Variants in PDILT observed in about 807,000 individuals in gnomAD.
PDILT encodes the protein protein disulfide-isomerase-like protein of the testis.
A neutral mutation model predicts 53.7 loss-of-function variants in PDILT; 43 were observed. The observed-to-expected ratio is 0.80, with a 90% CI of 0.63 to 1.03. The LOEUF (loss-of-function observed/expected upper bound fraction) is 1.03, where lower values mean the gene tolerates loss of function less well. PDILT is among the 50% of genes least tolerant of loss of function. The probability of loss-of-function intolerance (pLI) is 0.00; values close to 1 mark genes in which losing one functional copy is unlikely to be tolerated. For missense variants in PDILT, 727 were observed against 712.3 expected (o/e 1.02, Z -0.24); for synonymous variants, 282 against 274.2 (o/e 1.03, Z -0.28).
chr16:20,369,707 AC>A lies in PDILT; in HGVS notation c.919-19del, dbSNP rs372116383. The A allele has an allele frequency of 2.7e-5, 44 of 1,612,986 alleles. No homozygotes were observed. In the African/African-American group the frequency reaches 2.9e-4, roughly 11 times the overall value. On this transcript the variant is annotated intron_variant, in intron 7 of 11. Transcript: ENST00000302451. Reference sequence around the variant, plus strand: ...AAAAGGATCTGCCAAAGAAAACAAAACCCTTGTCTCTCTGGATCCTTTGCCA... The same window carrying A: ...AAAAGGATCTGCCAAAGAAAACAAAACCTTGTCTCTCTGGATCCTTTGCCA...
chr16:20,374,960 C>T lies in PDILT; in HGVS notation c.544-1G>A. On this transcript the variant is annotated splice_acceptor_variant, in intron 4 of 11. Coordinates refer to ENST00000302451, the MANE Select transcript of PDILT (RefSeq NM_174924.2). LOFTEE classifies it high-confidence loss of function. ...ACTCTGCTACTTCTTCCTCTAAATC[C>T]TATTTGGGAAAGGATGTTTGGAAAG... 1 of 1,602,750 alleles carries T rather than the reference C, an allele frequency of 6.2e-7. No individual in the cohort carries two copies. Among genetic ancestry groups the T allele is most frequent in the Non-Finnish European group, 8.5e-7 (1 of 1,173,100 alleles).
rs920048519 is a variant in PDILT, at chr16:20,367,053, T to C, written c.1117-1513A>G. ...TTTCTTTCTTTCTTTCTTTCTTTCT[T>C]TCTTTCTTTCTTTCTTTCTTTCTTT... On this transcript the variant is annotated intron_variant, in intron 8 of 11. Coordinates refer to ENST00000302451, the MANE Select transcript of PDILT (RefSeq NM_174924.2). 6.3e-5 allele frequency among the ~76,000 whole-genome samples: 6 copies of C among 95,196 alleles called. 2 individuals are homozygous for C. The highest frequency in any genetic ancestry group is 1.8e-4 in the African/African-American group (4 of 22,286). The allele number at this position is 95,196 out of a possible 152,430, so 62.5% of individuals were successfully genotyped here.
chr16:20,370,576 GAA>G (rs1206498724), intron 7 of PDILT, among the ~76,000 whole-genome samples: 1 of 152,168 alleles, frequency 6.6e-6, no homozygotes. Flanking sequence ...GAATAGAAAA[GAA>G]AAGTCAGTGT....
chr16:20,390,041 T>A (rs766382111), intron 2 of PDILT, among the ~76,000 whole-genome samples: 1 of 152,098 alleles, frequency 6.6e-6, no homozygotes, highest in East Asian at 1.9e-4. Flanking sequence ...CAAATGTCCG[T>A]AGGGCTTAGG....
chr16:20,378,642 G>T (rs1966419551), intron 3 of PDILT, among the ~76,000 whole-genome samples: 2 of 152,104 alleles, frequency 1.3e-5, no homozygotes, highest in Admixed American at 1.3e-4. Flanking sequence ...CCCAATGTGT[G>T]ATGTTCCCCT....
intron 3 of PDILT, among the ~76,000 whole-genome samples, chr16:20,383,133 A>T (rs1037845339): frequency 5.3e-5 from 8 of 152,158 alleles, no homozygotes; most frequent in African/African-American, 1.7e-4. Flanking sequence ...CAGAAGTCAA[A>T]TGCCTTGGGG....
intron 3 of PDILT, among the ~76,000 whole-genome samples, chr16:20,377,170 C>T (rs1966399034): frequency 6.6e-6 from 1 of 152,072 alleles, no homozygotes; most frequent in Admixed American, 6.6e-5. Flanking sequence ...TGTCTGTAGT[C>T]CCGGCTACTT....
chr16:20,377,472 A>G (rs1966403597), intron 3 of PDILT, among the ~76,000 whole-genome samples: 1 of 152,184 alleles, frequency 6.6e-6, no homozygotes, highest in African/African-American at 2.4e-5. Flanking sequence ...CAAACACATT[A>G]CCACCATTTC....
intron 5 of PDILT, 62 bp from the exon 6 acceptor site, chr16:20,373,184 A>C (rs1966332612): frequency 7.6e-7 from 1 of 1,318,908 alleles, no homozygotes; most frequent in East Asian, 2.3e-5. Context: ...CACTTAATAA[A>C]TATAAATAGC....
At chr16:20,367,072 T>C (rs1008297622) in intron 8 of PDILT, among the ~76,000 whole-genome samples, 1 of 134,288 alleles carries the variant, frequency 7.4e-6, no homozygotes, top group Non-Finnish European at 1.6e-5. Context: ...TCTTTCTTTC[T>C]TTCTTTCTTT....
chr16:20,397,301 A>ACAAAAT (rs1320836629), intron 2 of PDILT, among the ~76,000 whole-genome samples: 1 of 152,060 alleles, frequency 6.6e-6, no homozygotes, highest in Non-Finnish European at 1.5e-5. Flanking sequence ...ATTCCTAGCC[A>ACAAAAT]ACTTTTGTAT....
rs934794878 is a variant in PDILT, at chr16:20,384,707, G to A, written c.347C>T (p.Thr116Ile). Residue 116 changes from threonine to isoleucine, a missense_variant, in exon 3 of 12, where the codon ACC (threonine) becomes ATC (isoleucine). Coordinates refer to ENST00000302451, the MANE Select transcript of PDILT (RefSeq NM_174924.2). The stretch of plus-strand genomic sequence containing the variant: ...AAACAGCTTCAACTCCGGGGCCTTG[G>A]TAATCCCAAACTCCTGCTGAAGCTC... ...EKELQQEFGI[T>I]KAPELKLFFE... The A allele has an allele frequency of 1.9e-6, 3 of 1,614,208 alleles. No individual in the cohort carries two copies. The highest frequency in any genetic ancestry group is 3.3e-5 in the Admixed American group (2 of 60,024).
At chr16:20,362,929 G>A (rs1423247769) in intron 9 of PDILT, among the ~76,000 whole-genome samples, 3 of 151,630 alleles carry the variant, frequency 2.0e-5, no homozygotes, top group African/African-American at 7.3e-5. Flanking sequence ...AAAATTAGCC[G>A]AGCATGATGG....
chr16:20,367,091 CTTTCTTTCTTTCTTCCTTT>C (rs1966223263), intron 8 of PDILT, among the ~76,000 whole-genome samples: 1 of 99,328 alleles, frequency 1.0e-5, no homozygotes, highest in Non-Finnish European at 2.1e-5. Context: ...TTCTTTCTTT[CTTTCTTTCTTTCTTCCTTT>C]CTTTCCTTTT....
At chr16:20,402,334 T>C (rs1199644512) in intron 1 of PDILT, among the ~76,000 whole-genome samples, 2 of 150,648 alleles carry the variant, frequency 1.3e-5, no homozygotes, top group Non-Finnish European at 2.9e-5. Context: ...GGTCTCGCTC[T>C]GTCGCCCAGG....
At position 20,359,532 on chromosome 16, in the gene PDILT, C is replaced by T; in HGVS notation, c.1542G>A (p.Glu514=). The change falls in exon 12 of 12, where the codon GAG becomes GAA. Residue 514 remains glutamate, a synonymous_variant. Transcript: ENST00000302451. The part of the protein sequence containing the change: ...LSVEQNEVIE[E]EVLAEEKEVP... The stretch of plus-strand genomic sequence containing the variant: ...CCTCCTTTTCCTCAGCTAGCACTTC[C>T]TCTTCTATCACTTCATTTTGCTCAA... The T allele has an allele frequency of 6.2e-7, 1 of 1,614,118 alleles. No individual in the cohort carries two copies. The highest frequency in any genetic ancestry group is 1.1e-5 in the South Asian group (1 of 91,064).
rs372512563 is a variant in PDILT at position 20,398,750 on chromosome 16, T to C, written c.202+349A>G. Among the ~76,000 whole-genome samples, 47 of 152,284 alleles carry C rather than the reference T, an allele frequency of 3.1e-4. No homozygotes were observed. The East Asian group carries it at 3.7e-3, about 12-fold the overall frequency. On this transcript the variant is annotated intron_variant, in intron 2 of 11. Coordinates refer to ENST00000302451, the MANE Select transcript of PDILT (RefSeq NM_174924.2). ...ATCACATCTCATTTAATCTTCACTA[T>C]AATCCAGTGTGTCATTAGGTTCACA... is the stretch of plus-strand genomic sequence containing the variant.
At chr16:20,403,100 C>G (rs938334436) in intron 1 of PDILT, among the ~76,000 whole-genome samples, 14 of 152,186 alleles carry the variant, frequency 9.2e-5, no homozygotes, top group Non-Finnish European at 1.9e-4. Context: ...TGAGTGTCAA[C>G]TGTGTGCATT....
intron 2 of PDILT, among the ~76,000 whole-genome samples, chr16:20,397,191 A>G (rs1477528010): frequency 6.6e-6 from 1 of 152,196 alleles, no homozygotes; most frequent in Non-Finnish European, 1.5e-5. Flanking sequence ...GCTGGAGTGC[A>G]GTGGCATGAT....
Sources: allele counts gnomAD v4.1 joint callset (sites outside exome capture counted in the v4.1 genomes callset), GRCh38; gene constraint gnomAD v4.1.1; transcripts MANE v1.5; gene names NCBI Gene and HGNC (gene_info 2026-07-23, HGNC 2026-07-21).